NAV2: variants seen among roughly 807,000 people sequenced by gnomAD.
NAV2 encodes the protein neuron navigator 2.
In NAV2, 54 loss-of-function variants were observed where a neutral mutation model predicts 223.2. That is an observed-to-expected ratio of 0.24 (90% CI 0.19 to 0.30). NAV2 has a LOEUF of 0.30. Among genes scored for constraint, NAV2 ranks in the 10% least tolerant of loss-of-function variants. NAV2 has a pLI of 1.00. For synonymous variants in NAV2, 1,279 were observed against 1,239.3 expected, an observed-to-expected ratio of 1.03 and a Z score of -0.67; for missense variants, 2,806 against 3,147.5, an observed-to-expected ratio of 0.89 and a Z score of 2.60.
chr11:19,673,415 G>T (rs926004807), intron 1 of NAV2, among the ~76,000 whole-genome samples: 4 of 152,156 alleles, frequency 2.6e-5, no homozygotes, highest in Non-Finnish European at 4.4e-5. Context: ...GAACAGAAAG[G>T]TGAAGTTATT....
At chr11:19,902,159 C>T (rs1276986905) in intron 6 of NAV2, among the ~76,000 whole-genome samples, 1 of 152,188 alleles carries the variant, frequency 6.6e-6, no homozygotes, top group East Asian at 1.9e-4. Flanking sequence ...GCCCTTACTC[C>T]ACCCTAGCTT....
chr11:19,686,701 C>T (rs1417519142), intron 1 of NAV2, among the ~76,000 whole-genome samples: 1 of 152,216 alleles, frequency 6.6e-6, no homozygotes, highest in Non-Finnish European at 1.5e-5. Context: ...ATGGAGAGAG[C>T]TCCACAGTCC....
chr11:19,743,992 A>G (rs1276461226), intron 1 of NAV2, among the ~76,000 whole-genome samples: 10 of 152,250 alleles, frequency 6.6e-5, no homozygotes, highest in Admixed American at 6.5e-4. Context: ...GGCCTCAGAT[A>G]CAGTTGGTTT....
chr11:19,686,344 C>T lies in NAV2; in HGVS notation c.76-146140C>T, dbSNP rs1210366512. Among the ~76,000 whole-genome samples the T allele has an allele frequency of 2.0e-5, 3 of 152,158 alleles. No homozygotes were observed. In the East Asian group the frequency reaches 5.8e-4, roughly 29 times the overall value. Reference sequence around the variant, plus strand: ...ACTGGGAGCTCCAGGAAGGTGGGATCCTTCTTATTTCCCAGTTGTCCCCAA... The same window carrying T: ...ACTGGGAGCTCCAGGAAGGTGGGATTCTTCTTATTTCCCAGTTGTCCCCAA... On this transcript the variant is annotated intron_variant, in intron 1 of 37. Coordinates refer to the NAV2 transcript ENST00000360655.
At chr11:20,043,395 C>T (rs1398274943) in intron 12 of NAV2, among the ~76,000 whole-genome samples, 2 of 152,140 alleles carry the variant, frequency 1.3e-5, no homozygotes, top group African/African-American at 2.4e-5. Flanking sequence ...GGGCTCTTTC[C>T]TTCTTTTTTC....
chr11:19,780,656 C>T (rs1681259391), intron 1 of NAV2, among the ~76,000 whole-genome samples: 2 of 152,222 alleles, frequency 1.3e-5, no homozygotes, highest in Non-Finnish European at 1.5e-5. Flanking sequence ...ATTGAGACTA[C>T]AGCACCTCAC....
intron 27 of NAV2, 109 bp downstream of exon 27, chr11:20,091,127 C>T (rs1565043045): frequency 1.1e-5 from 13 of 1,177,980 alleles, no homozygotes; most frequent in East Asian, 7.3e-5. Context: ...TGGCGGCCCT[C>T]GCTTTCCCAG....
intron 6 of NAV2, among the ~76,000 whole-genome samples, chr11:19,899,399 T>C (rs751577660): frequency 6.6e-6 from 1 of 152,218 alleles, no homozygotes; most frequent in Non-Finnish European, 1.5e-5. Context: ...CACGTCCTGC[T>C]ATTAACCAGG....
intron 1 of NAV2, among the ~76,000 whole-genome samples, chr11:19,421,489 G>C (rs78067646): frequency 6.6e-6 from 1 of 152,138 alleles, no homozygotes; most frequent in Non-Finnish European, 1.5e-5. Context: ...AATTTATTTT[G>C]TTGCATATAA....
At chr11:19,518,141 A>G (rs956250540) in intron 1 of NAV2, among the ~76,000 whole-genome samples, 7 of 152,214 alleles carry the variant, frequency 4.6e-5, no homozygotes, top group Non-Finnish European at 8.8e-5. Flanking sequence ...ATGGATGTTC[A>G]ACTTTCCTGG....
chr11:19,563,061 GAC>G (rs1418175810), intron 1 of NAV2, among the ~76,000 whole-genome samples: 6 of 152,308 alleles, frequency 3.9e-5, no homozygotes, highest in Admixed American at 3.9e-4. Context: ...CAGAAGCTGG[GAC>G]ACTGGATAGC....
At chr11:19,531,805 A>C (rs2044034684) in intron 1 of NAV2, among the ~76,000 whole-genome samples, 1 of 152,204 alleles carries the variant, frequency 6.6e-6, no homozygotes, top group South Asian at 2.1e-4. Context: ...ACTGACTATA[A>C]GACCATTATT....
chr11:19,449,827 C>T (rs944333260), intron 1 of NAV2, among the ~76,000 whole-genome samples: 1 of 151,764 alleles, frequency 6.6e-6, no homozygotes, highest in African/African-American at 2.4e-5. Context: ...CCGGTGACCC[C>T]CCTCCCACCC....
At chr11:19,688,786 C>T (rs554266745) in intron 1 of NAV2, among the ~76,000 whole-genome samples, 66 of 152,150 alleles carry the variant, frequency 4.3e-4, no homozygotes, top group South Asian at 2.9e-3. Context: ...CAGGCTTTAC[C>T]TCTGAAAGGA....
chr11:19,700,339 A>G (rs2049475573), intron 1 of NAV2, among the ~76,000 whole-genome samples: 1 of 152,212 alleles, frequency 6.6e-6, no homozygotes, highest in African/African-American at 2.4e-5. Context: ...ATGCAGTCAC[A>G]CGTATGCAAT....
intron 1 of NAV2, among the ~76,000 whole-genome samples, chr11:19,813,104 C>T (rs1488620794): frequency 6.6e-6 from 1 of 152,102 alleles, no homozygotes; most frequent in Non-Finnish European, 1.5e-5. Context: ...AGGAGTGAGA[C>T]CTTTCGATGA....
At chr11:19,753,114 C>G (rs371379590) in intron 1 of NAV2, among the ~76,000 whole-genome samples, 1 of 152,216 alleles carries the variant, frequency 6.6e-6, no homozygotes, top group Admixed American at 6.5e-5. Flanking sequence ...AGATCTCAGA[C>G]TTCCAGCCTC....
chr11:19,654,887 A>G (rs527843248), intron 1 of NAV2, among the ~76,000 whole-genome samples: 3 of 152,258 alleles, frequency 2.0e-5, no homozygotes, highest in Admixed American at 6.5e-5. Flanking sequence ...CAAAATTGAT[A>G]AATGGGATCT....
intron 1 of NAV2, among the ~76,000 whole-genome samples, chr11:19,421,763 G>GTTTTT (rs1235395216): frequency 4.0e-5 from 1 of 25,304 alleles, no homozygotes; most frequent in African/African-American, 8.3e-5. Context: ...TAAGAGAGAG[G>GTTTTT]CTTTTTTTTT....
Sources: allele counts gnomAD v4.1 joint callset (sites outside exome capture counted in the v4.1 genomes callset), GRCh38; gene constraint gnomAD v4.1.1; transcripts MANE v1.5; gene names NCBI Gene and HGNC (gene_info 2026-07-23, HGNC 2026-07-21).